RBFOX1: variants seen among roughly 807,000 people sequenced by gnomAD.
The protein encoded by RBFOX1 is RNA binding fox-1 homolog 1.
A neutral mutation model predicts 57.7 loss-of-function variants in RBFOX1; 8 were observed. That is an observed-to-expected ratio of 0.14 (90% CI 0.08 to 0.25). RBFOX1 has a LOEUF of 0.25. RBFOX1 is among the 10% of genes least tolerant of loss of function. RBFOX1 has a pLI of 1.00. For missense variants in RBFOX1, 611 were observed against 548.5 expected, an observed-to-expected ratio of 1.11 and a Z score of -1.14; for synonymous variants, 326 against 222.4, an observed-to-expected ratio of 1.47 and a Z score of -4.15.
chr16:5,731,309 C>G (rs2052365154), intron 3 of RBFOX1, among the ~76,000 whole-genome samples: 1 of 152,236 alleles, frequency 6.6e-6, no homozygotes, highest in Admixed American at 6.5e-5. Flanking sequence ...CCACCATCAT[C>G]ATCACTATCA....
chr16:5,771,253 A>G (rs1191008661), intron 3 of RBFOX1, among the ~76,000 whole-genome samples: 2 of 152,238 alleles, frequency 1.3e-5, no homozygotes, highest in Admixed American at 6.5e-5. Context: ...TGGTCTGCAC[A>G]TTAAGGTTGT....
intron 3 of RBFOX1, among the ~76,000 whole-genome samples, chr16:5,802,492 C>G (rs960018433): frequency 3.3e-5 from 5 of 152,244 alleles, no homozygotes; most frequent in African/African-American, 1.2e-4. Context: ...CTTGGCCCTT[C>G]CCTCATCCCA....
chr16:5,566,018 C>G (rs770220458), intron 2 of RBFOX1, among the ~76,000 whole-genome samples: 15 of 152,132 alleles, frequency 9.9e-5, no homozygotes, highest in African/African-American at 3.4e-4. Context: ...TAAGAGGAAA[C>G]CCCTTTCTCT....
intron 4 of RBFOX1, among the ~76,000 whole-genome samples, chr16:5,914,445 C>A (rs762888931): frequency 6.6e-6 from 1 of 152,138 alleles, no homozygotes; most frequent in Non-Finnish European, 1.5e-5. Context: ...CTTCCAAGTT[C>A]ATTCATGTAA....
chr16:5,415,980 C>G (rs1385954595), intron 1 of RBFOX1, among the ~76,000 whole-genome samples: 3 of 152,148 alleles, frequency 2.0e-5, no homozygotes, highest in African/African-American at 7.2e-5. Context: ...GAGCTGAGAG[C>G]TGTAACGCAG....
intron 4 of RBFOX1, among the ~76,000 whole-genome samples, chr16:5,871,290 C>T (rs1364588324): frequency 1.3e-5 from 2 of 152,158 alleles, no homozygotes; most frequent in Non-Finnish European, 1.5e-5. Flanking sequence ...AGCACCTGGC[C>T]CTTTGTCCCC....
chr16:7,017,968 C>T (rs544184751), intron 3 of RBFOX1, among the ~76,000 whole-genome samples: 1 of 152,180 alleles, frequency 6.6e-6, no homozygotes, highest in Non-Finnish European at 1.5e-5. Context: ...TGCCCCCTTT[C>T]TCTACGGGCA....
At chr16:7,196,678 G>C (rs571175827) in intron 4 of RBFOX1, among the ~76,000 whole-genome samples, 3 of 151,940 alleles carry the variant, frequency 2.0e-5, no homozygotes, top group Admixed American at 6.5e-5. Context: ...ATAACTATAA[G>C]TAAAATGCAA....
Position 6,977,937 on chromosome 16 carries a change from G to GAAAAAAAA in RBFOX1, c.-15-74113_-15-74106dup, listed in dbSNP as rs1555705863. ...AACTGCCTCTTCCAGCCTCCCCAGG[G>GAAAAAAAA]AAAAAAAAAAAAAAGGCAAACCTCC... is the stretch of plus-strand genomic sequence containing the variant. On this transcript the variant is annotated intron_variant, in intron 3 of 15. Transcript: ENST00000550418. 7.3e-4 allele frequency among the ~76,000 whole-genome samples: 58 copies of GAAAAAAAA among 79,456 alleles called. 1 individual carries two copies. The highest frequency in any genetic ancestry group is 6.4e-3 in the East Asian group (20 of 3,128). 52.1% of individuals were successfully genotyped at this position (79,456 alleles called of 152,430 possible).
chr16:5,552,526 G>A (rs560707429), intron 2 of RBFOX1, among the ~76,000 whole-genome samples: 2 of 152,310 alleles, frequency 1.3e-5, no homozygotes, highest in African/African-American at 4.8e-5. Flanking sequence ...CACCTAGTCA[G>A]GGGCAGAGAA....
At chr16:5,245,998 C>G (rs1403887113) in intron 1 of RBFOX1, among the ~76,000 whole-genome samples, 2 of 152,160 alleles carry the variant, frequency 1.3e-5, no homozygotes, top group African/African-American at 2.4e-5. Flanking sequence ...AATACCAGCA[C>G]TTTGGGAGGC....
chr16:5,621,675 C>T (rs192396113), intron 3 of RBFOX1, among the ~76,000 whole-genome samples: 320 of 152,226 alleles, frequency 2.1e-3, no homozygotes, highest in Middle Eastern at 6.8e-3. Flanking sequence ...TTTAGGAAGA[C>T]GAGGATATGG....
chr16:7,418,576 G>A (rs569238463), intron 4 of RBFOX1, among the ~76,000 whole-genome samples: 1 of 152,102 alleles, frequency 6.6e-6, no homozygotes, highest in African/African-American at 2.4e-5. Flanking sequence ...GTAGACATTG[G>A]GTATGAAAGA....
chr16:6,315,311 C>T (rs1447818283), intron 1 of RBFOX1, among the ~76,000 whole-genome samples: 1 of 149,130 alleles, frequency 6.7e-6, no homozygotes. Flanking sequence ...AAATGGGGGA[C>T]AGATGGATAG....
intron 3 of RBFOX1, among the ~76,000 whole-genome samples, chr16:5,756,853 A>G (rs964889474): frequency 2.0e-5 from 3 of 152,166 alleles, no homozygotes; most frequent in Non-Finnish European, 2.9e-5. Flanking sequence ...CTGAGTGTTT[A>G]TTGCATGCAG....
intron 1 of RBFOX1, among the ~76,000 whole-genome samples, chr16:5,355,678 T>C (rs1342865977): frequency 6.6e-6 from 1 of 152,192 alleles, no homozygotes; most frequent in East Asian, 1.9e-4. Flanking sequence ...TCCTAACCCC[T>C]GGTAACTGTG....
chr16:7,328,211 G>C (rs2096637199), intron 4 of RBFOX1, among the ~76,000 whole-genome samples: 1 of 152,152 alleles, frequency 6.6e-6, no homozygotes, highest in Non-Finnish European at 1.5e-5. Context: ...TCTGGGCGCG[G>C]TGGCTCATGC....
intron 4 of RBFOX1, among the ~76,000 whole-genome samples, chr16:7,380,570 AAAAAC>A (rs747115187): frequency 6.6e-5 from 10 of 152,338 alleles, no homozygotes; most frequent in East Asian, 3.9e-4. Context: ...TTTGTATTTA[AAAAAC>A]AAAACAAAAC....
chr16:6,558,534 G>C (rs1305631601), intron 2 of RBFOX1, among the ~76,000 whole-genome samples: 2 of 152,122 alleles, frequency 1.3e-5, no homozygotes, highest in Non-Finnish European at 2.9e-5. Flanking sequence ...TCCTGATGTA[G>C]AACTTTGTCA....
Sources: gnomAD v4.1 joint callset for allele counts (sites outside exome capture counted in the v4.1 genomes callset) on GRCh38, gnomAD v4.1.1 for gene constraint, MANE v1.5 for transcripts, NCBI Gene and HGNC (gene_info 2026-07-23, HGNC 2026-07-21) for gene names.